The following NAT1 variants were observed in gnomAD, a reference collection of about 807,000 sequenced individuals.
NAT1 encodes arylamine N-acetyltransferase 1.
For missense variants in NAT1, 400 were observed against 339.2 expected (o/e 1.18, Z -1.41); for synonymous variants, 144 against 122.6 (o/e 1.17, Z -1.16).
rs17126330 is a variant in NAT1, at chr8:18,180,002, T to C, written n.92+9263T>C. ...TTACAGACTAGGCAGAGCCGGGGCA[T>C]AGTAAGAAGTCAGAGGAGGGAGTAT... is the stretch of plus-strand genomic sequence containing the variant. On this transcript the variant is annotated intron_variant and non_coding_transcript_variant, in intron 2 of 4. Coordinates refer to the NAT1 transcript ENST00000517441. Among the ~76,000 whole-genome samples, 849 of 152,176 alleles carry C rather than the reference T, an allele frequency of 5.6e-3. 2 individuals carry two copies. Among genetic ancestry groups the C allele is most frequent in the Non-Finnish European group, 9.3e-3 (630 of 68,004 alleles).
chr8:18,207,306 G>T (rs11997214), upstream of NAT1, among the ~76,000 whole-genome samples: 111,130 of 152,114 alleles, frequency 0.73, 41,431 homozygotes, highest in African/African-American at 0.9. Flanking sequence ...GTGGGTAGTG[G>T]GATGCCTCCA....
intron 1 of NAT1, chr8:18,212,132 C>T (rs983154825): frequency 1.3e-5 from 2 of 152,158 alleles, no homozygotes; most frequent in African/African-American, 4.8e-5. Flanking sequence ...TAACACACAT[C>T]GATTCTAGAG....
chr8:18,204,666 A>C (rs1167651912), intron 2 of NAT1, among the ~76,000 whole-genome samples: 3 of 152,206 alleles, frequency 2.0e-5, no homozygotes, highest in African/African-American at 7.2e-5. Flanking sequence ...ACAGTTCAAA[A>C]TTACTTCCCA....
chr8:18,213,553 C>T (rs928584010), intron 1 of NAT1, among the ~76,000 whole-genome samples: 22 of 152,028 alleles, frequency 1.4e-4, no homozygotes, highest in Non-Finnish European at 4.4e-5. Flanking sequence ...TCACTCTAAC[C>T]AACCAAATAG....
chr8:18,203,236 A>G (rs1803555137), intron 2 of NAT1, among the ~76,000 whole-genome samples: 4 of 152,254 alleles, frequency 2.6e-5, no homozygotes, highest in Admixed American at 2.6e-4. Context: ...GCTTAAAGAA[A>G]AAGTAAATGC....
intron 2 of NAT1, among the ~76,000 whole-genome samples, chr8:18,179,041 T>G (rs1038122318): frequency 1.3e-5 from 2 of 152,138 alleles, no homozygotes; most frequent in Non-Finnish European, 2.9e-5. Context: ...TCAACATTTA[T>G]CCCTCTATAT....
chr8:18,215,023 C>A (rs1469026137), intron 1 of NAT1, among the ~76,000 whole-genome samples: 1 of 152,184 alleles, frequency 6.6e-6, no homozygotes, highest in African/African-American at 2.4e-5. Context: ...TGATCTTGTT[C>A]TTTTTAGTGG....
intron 1 of NAT1, chr8:18,170,644 T>G (rs1272249159): frequency 6.6e-6 from 1 of 152,202 alleles, no homozygotes; most frequent in Non-Finnish European, 1.5e-5. Flanking sequence ...ATAAAGTTTG[T>G]TAAATTTAAT....
At chr8:18,188,654 T>A (rs954054965) in intron 2 of NAT1, among the ~76,000 whole-genome samples, 1 of 152,082 alleles carries the variant, frequency 6.6e-6, no homozygotes, top group Admixed American at 6.6e-5. Flanking sequence ...TTAGCTTTTT[T>A]AAATGAAATT....
intron 1 of NAT1, chr8:18,211,383 C>G (rs985977900): frequency 2.6e-5 from 4 of 152,114 alleles, no homozygotes; most frequent in Non-Finnish European, 5.9e-5. Flanking sequence ...AACAAACAAA[C>G]AAAAAATCAG....
chr8:18,208,956 T>C (rs1334320035), upstream of NAT1, among the ~76,000 whole-genome samples: 2 of 152,140 alleles, frequency 1.3e-5, no homozygotes, highest in Non-Finnish European at 2.9e-5. Context: ...TTTAAGGACG[T>C]ACCAGTGCAG....
chr8:18,196,156 C>T (rs1445699465), intron 2 of NAT1, among the ~76,000 whole-genome samples: 1 of 151,898 alleles, frequency 6.6e-6, no homozygotes, highest in Admixed American at 6.6e-5. Flanking sequence ...CACTATGTTG[C>T]CCAGGCTGGT....
At chr8:18,177,286 T>C (rs1368588230) in intron 2 of NAT1, among the ~76,000 whole-genome samples, 8 of 152,086 alleles carry the variant, frequency 5.3e-5, no homozygotes, top group African/African-American at 1.7e-4. Context: ...TTAAAAGACA[T>C]TGAATAGGTT....
At chr8:18,205,520 T>C (rs1803673995), upstream of NAT1, among the ~76,000 whole-genome samples, 1 of 152,088 alleles carries the variant, frequency 6.6e-6, no homozygotes, top group Non-Finnish European at 1.5e-5. Context: ...GCTGGCTGGC[T>C]CTGTGCCTGC....
intron 1 of NAT1, among the ~76,000 whole-genome samples, chr8:18,213,420 G>T (rs916096225): frequency 1.2e-4 from 18 of 151,906 alleles, no homozygotes; most frequent in Non-Finnish European, 2.2e-4. Flanking sequence ...TCATTGGCGG[G>T]CCATCAGACT....
chr8:18,199,089 G>T (rs1439487299), intron 2 of NAT1, among the ~76,000 whole-genome samples: 1 of 151,920 alleles, frequency 6.6e-6, no homozygotes. Flanking sequence ...CAAGGCAGGT[G>T]GATTACTTGA....
chr8:18,198,953 T>A (rs189995803), intron 2 of NAT1, among the ~76,000 whole-genome samples: 5 of 152,264 alleles, frequency 3.3e-5, no homozygotes, highest in African/African-American at 9.6e-5. Flanking sequence ...ATTCAGGATA[T>A]AGTGTTTTCT....
chr8:18,217,027 G>A (rs7387461), intron 1 of NAT1: 1,367,449 of 1,443,172 alleles, frequency 0.95, 648,971 homozygotes, highest in Non-Finnish European at 0.96. Flanking sequence ...CTCCAGTTTC[G>A]CATACAAAAA....
chr8:18,205,729 G>A (rs936258891), upstream of NAT1, among the ~76,000 whole-genome samples: 2 of 152,216 alleles, frequency 1.3e-5, no homozygotes, highest in South Asian at 4.1e-4. Context: ...TGTGGAGAGG[G>A]TGCATGCAGG....
Sources: gnomAD v4.1 joint callset for allele counts (sites outside exome capture counted in the v4.1 genomes callset) on GRCh38, gnomAD v4.1.1 for gene constraint, MANE v1.5 for transcripts, NCBI Gene and HGNC (gene_info 2026-07-23, HGNC 2026-07-21) for gene names.